The following CAMKK2 variants were observed in gnomAD, a reference collection of about 807,000 sequenced individuals.
CAMKK2 encodes calcium/calmodulin dependent protein kinase kinase 2.
Under a neutral mutation model 67.2 loss-of-function variants are expected in CAMKK2, and 30 were observed. That is an observed-to-expected ratio of 0.45 (90% CI 0.33 to 0.61). CAMKK2 has a LOEUF of 0.61. Ranked by LOEUF, CAMKK2 falls within the 20% of genes least tolerant of loss-of-function variation. CAMKK2 has a pLI of 0.02. For missense variants in CAMKK2, 643 were observed against 802.0 expected (o/e 0.80, Z 2.39); for synonymous variants, 322 against 326.2 (o/e 0.99, Z 0.14).
intron 13 of CAMKK2, 150 bp downstream of exon 13, chr12:121,249,637 C>T (rs1038243917): frequency 1.1e-5 from 8 of 729,330 alleles, no homozygotes; most frequent in Admixed American, 3.9e-5. Context: ...CAGCCCTCAA[C>T]AGCCCCCAGC....
At chr12:121,248,923 G>A (rs1890072092) in intron 13 of CAMKK2, among the ~76,000 whole-genome samples, 189 bp from the exon 14 acceptor site, 1 of 152,252 alleles carries the variant, frequency 6.6e-6, no homozygotes, top group African/African-American at 2.4e-5. Context: ...GAGACAGGAC[G>A]GGAGGAGCTA....
At chr12:121,255,668 A>G (rs1238161082) in intron 8 of CAMKK2, 30 bp from the exon 9 acceptor site, 2 of 1,610,014 alleles carry the variant, frequency 1.2e-6, no homozygotes, top group South Asian at 2.2e-5. Context: ...GTGAAACACA[A>G]AGCAGACCCG....
Position 121,263,682 on chromosome 12 carries a change from T to C in CAMKK2, c.759+124A>G, listed in dbSNP as rs368184969. The C allele has an allele frequency of 2.0e-5, 15 of 744,194 alleles. No homozygotes were observed. The African/African-American group carries it at 2.5e-4, about 12-fold the overall frequency. 46.1% of individuals were successfully genotyped at this position (744,194 alleles called of 1,614,324 possible). A position where few individuals can be genotyped will look rare whatever the true frequency, so the allele number is the denominator to read the frequency against. On this transcript the variant is annotated intron_variant, in intron 6 of 16. Transcript: ENST00000404169. ...ACAAATACTCTTAGGGAGCAGTAAA[T>C]ACAACTCAGCCCTGCAGTGAGCGGT...
chr12:121,292,703 C>A (rs1900305082), intron 1 of CAMKK2, among the ~76,000 whole-genome samples: 1 of 152,172 alleles, frequency 6.6e-6, no homozygotes, highest in Non-Finnish European at 1.5e-5. Context: ...GACACAATGG[C>A]TATAATCCAA....
At chr12:121,251,826 CAAA>C (rs35539013) in intron 11 of CAMKK2, among the ~76,000 whole-genome samples, 2 of 85,698 alleles carry the variant, frequency 2.3e-5, no homozygotes, top group Non-Finnish European at 2.3e-5. Flanking sequence ...GACTCCATCT[CAAA>C]AAAAAAAAAA....
chr12:121,255,496 G>A (rs772483870), intron 9 of CAMKK2, 54 bp downstream of exon 9: 22 of 1,454,168 alleles, frequency 1.5e-5, no homozygotes, highest in South Asian at 2.4e-5. Context: ...TTGCACCCAC[G>A]CTCAGAATGC....
At chr12:121,284,585 A>T (rs1179800434) in intron 1 of CAMKK2, among the ~76,000 whole-genome samples, 1 of 152,170 alleles carries the variant, frequency 6.6e-6, no homozygotes, top group Admixed American at 6.5e-5. Context: ...TTGGCCTCCC[A>T]AAGTGCTGGG....
rs1478095114 is a variant in CAMKK2, at chr12:121,276,125, A to C, written c.-59-1540T>G. ...CAATGAGCCGAGATCACGCCACTGC[A>C]CTTCAGCCTGGATGACAGAGTGAGA... On this transcript the variant is annotated intron_variant, in intron 1 of 16. Coordinates refer to ENST00000404169, the MANE Select transcript of CAMKK2 (RefSeq NM_001270485.2). Among the ~76,000 whole-genome samples the C allele has an allele frequency of 9.0e-5, 13 of 144,730 alleles. 1 individual carries two copies. Among genetic ancestry groups the C allele is most frequent in the African/African-American group, 3.4e-4 (13 of 38,032 alleles). 94.9% of individuals were successfully genotyped at this position (144,730 alleles called of 152,430 possible).
At chr12:121,249,107 ACAG>A (rs1216980622) in intron 13 of CAMKK2, among the ~76,000 whole-genome samples, 5 of 152,172 alleles carry the variant, frequency 3.3e-5, no homozygotes, top group African/African-American at 1.2e-4. Flanking sequence ...TCCCCATCTC[ACAG>A]CAGGAGAGGC....
intron 1 of CAMKK2, among the ~76,000 whole-genome samples, chr12:121,282,381 AATGTT>A (rs1200926498): frequency 6.6e-6 from 1 of 152,108 alleles, no homozygotes; most frequent in Non-Finnish European, 1.5e-5. Context: ...GTCCCCCAAA[AATGTT>A]ATGTGGCAGT....
chr12:121,255,617 G>C lies in CAMKK2; in HGVS notation c.840C>G (p.Thr280=), dbSNP rs770566904. The change falls in exon 9 of 17, where the codon ACC becomes ACG. Residue 280 remains threonine, a synonymous_variant. Transcript: ENST00000404169. ...VNQGPVMEVP[T]LKPLSEDQAR... ...CCTGGTCTTCAGAGAGTGGTTTGAGGGTGGGCACTTCCATCACGGGCCTGA... is the reference window on the plus strand; with the variant it reads ...CCTGGTCTTCAGAGAGTGGTTTGAGCGTGGGCACTTCCATCACGGGCCTGA... 1 of 1,612,852 alleles carries C rather than the reference G, an allele frequency of 6.2e-7. No homozygotes were observed.
chr12:121,271,457 G>A lies in CAMKK2; in HGVS notation c.472-512C>T, dbSNP rs1895767124. ...ACGCTGATTTTGCTTGTTGTACTTT[G>A]TCAAAATGTAACCACACACTGTGGA... On this transcript the variant is annotated intron_variant, in intron 2 of 16. Transcript: ENST00000404169. 2.6e-5 allele frequency among the ~76,000 whole-genome samples: 4 copies of A among 152,008 alleles called. No individual in the cohort carries two copies. In the South Asian group the frequency reaches 8.3e-4, roughly 31 times the overall value.
chr12:121,259,298 T>C (rs965635210), intron 7 of CAMKK2, among the ~76,000 whole-genome samples: 5 of 152,202 alleles, frequency 3.3e-5, no homozygotes, highest in African/African-American at 1.2e-4. Context: ...GGGGTTTTTG[T>C]TTTGTTACGG....
At chr12:121,262,820 A>G (rs917099713) in intron 6 of CAMKK2, among the ~76,000 whole-genome samples, 7 of 152,148 alleles carry the variant, frequency 4.6e-5, no homozygotes, top group African/African-American at 1.7e-4. Context: ...TCAGCCTCCC[A>G]AAGTGCTGGG....
chr12:121,244,251 G>C, intron 16 of CAMKK2: 1 of 945,330 alleles, frequency 1.1e-6, no homozygotes, highest in Non-Finnish European at 1.6e-6. Flanking sequence ...TGGGCCCTGT[G>C]ACAGAGCTTC....
chr12:121,242,798 T>A lies in CAMKK2; in HGVS notation c.1596+1775A>T, dbSNP rs1378988458. On this transcript the variant is annotated intron_variant, in intron 16 of 16. Coordinates refer to ENST00000404169, the MANE Select transcript of CAMKK2 (RefSeq NM_001270485.2). Reference sequence around the variant, plus strand: ...CGCTCTGTCGCCCAGGCTGGAGTGCTGTGGCGCAATCTCGGCTCACTGCAA... The same window carrying A: ...CGCTCTGTCGCCCAGGCTGGAGTGCAGTGGCGCAATCTCGGCTCACTGCAA... Among the ~76,000 whole-genome samples, 18 of 151,794 alleles carry A rather than the reference T, an allele frequency of 1.2e-4. No individual in the cohort carries two copies. The South Asian group carries it at 1.5e-3, about 12-fold the overall frequency.
In CAMKK2 at chr12:121,270,923, T is replaced by C; in HGVS notation, c.494A>G (p.Tyr165Cys). 1 of 1,613,794 alleles carries C rather than the reference T, an allele frequency of 6.2e-7. No homozygotes were observed. ...GMQDCVQLNQ[Y>C]TLKDEIGKGS... ...CTTTCCAATTTCATCCTTCAGGGTA[T>C]ACTGATTCAGCTGCACACAGTCCTA... The change falls in exon 3 of 17, where the codon TAT becomes TGT. Residue 165 changes from tyrosine (Y) to cysteine (C), a missense_variant. Around this residue, in one of 3 missense-constraint regions of CAMKK2, gnomAD observed 483 missense variants for 625.8 expected, o/e 0.77. Transcript: ENST00000404169.
chr12:121,261,789 G>A (rs1192969756), intron 6 of CAMKK2, among the ~76,000 whole-genome samples: 1 of 152,180 alleles, frequency 6.6e-6, no homozygotes, highest in Non-Finnish European at 1.5e-5. Context: ...TCTCATCCAG[G>A]AACCACCACG....
At chr12:121,272,772 C>T (rs1336163995) in intron 2 of CAMKK2, among the ~76,000 whole-genome samples, 1 of 151,200 alleles carries the variant, frequency 6.6e-6, no homozygotes, top group Non-Finnish European at 1.5e-5. Flanking sequence ...TACTCATGAG[C>T]TGAGGGAGGA....
Sources: gnomAD v4.1 joint callset for allele counts (sites outside exome capture counted in the v4.1 genomes callset) on GRCh38, gnomAD v4.1.1 for gene constraint, gnomAD v4.1.1 regional missense constraint, MANE v1.5 for transcripts, NCBI Gene and HGNC (gene_info 2026-07-23, HGNC 2026-07-21) for gene names.